MON2: variants seen among roughly 807,000 people sequenced by gnomAD.
MON2 encodes the protein protein MON2 homolog.
MON2 carries 84 observed loss-of-function variants against 208.6 expected under a neutral mutation model. That is an observed-to-expected ratio of 0.40 (90% CI 0.34 to 0.48). The LOEUF is 0.48. Ranked by LOEUF, MON2 falls within the 20% of genes least tolerant of loss-of-function variation. The pLI is 0.59. For synonymous variants in MON2, 660 were observed against 694.0 expected (o/e 0.95, Z 0.77); for missense variants, 1,611 against 2,015.4 (o/e 0.80, Z 3.84).
chr12:62,518,394 AG>A (rs758050238), intron 8 of MON2, among the ~76,000 whole-genome samples: 3 of 152,228 alleles, frequency 2.0e-5, no homozygotes, highest in African/African-American at 4.8e-5. Flanking sequence ...AATGAGGACC[AG>A]GATGCTTATA....
chr12:62,547,550 T>C (rs2073543104), intron 22 of MON2, among the ~76,000 whole-genome samples: 1 of 152,216 alleles, frequency 6.6e-6, no homozygotes. Context: ...AAACATTTAT[T>C]CTGTGCAGAG....
intron 1 of MON2, among the ~76,000 whole-genome samples, chr12:62,476,164 A>G (rs1337908618): frequency 6.6e-6 from 1 of 152,196 alleles, no homozygotes; most frequent in Non-Finnish European, 1.5e-5. Context: ...ATAGAATGTC[A>G]TATAGGTATA....
chr12:62,589,390 A>AC (rs2075321708), intron 34 of MON2, among the ~76,000 whole-genome samples: 1 of 152,238 alleles, frequency 6.6e-6, no homozygotes, highest in Non-Finnish European at 1.5e-5. Context: ...AATGAGTTGT[A>AC]GGATATTTGT....
At chr12:62,499,361 T>C (rs569949373) in intron 5 of MON2, among the ~76,000 whole-genome samples, 1 of 152,330 alleles carries the variant, frequency 6.6e-6, no homozygotes, top group Non-Finnish European at 1.5e-5. Flanking sequence ...TAATTTAAAT[T>C]TTAATGATTG....
chr12:62,471,982 G>A (rs1592793784), intron 1 of MON2, among the ~76,000 whole-genome samples: 1 of 152,330 alleles, frequency 6.6e-6, no homozygotes, highest in African/African-American at 2.4e-5. Flanking sequence ...AAACAAGCTT[G>A]TTAGTAGGAA....
chr12:62,580,496 A>T, intron 32 of MON2, 76 bp downstream of exon 32: 1 of 1,332,314 alleles, frequency 7.5e-7, no homozygotes, highest in Non-Finnish European at 1.0e-6. Context: ...GTTTAATCCT[A>T]TGATTTTGGT....
chr12:62,475,449 C>T (rs79467129), intron 1 of MON2, among the ~76,000 whole-genome samples: 3,416 of 150,576 alleles, frequency 0.023, 129 homozygotes, highest in African/African-American at 0.08. Flanking sequence ...AGTAATTTAG[C>T]CTGGGTGAAA....
intron 8 of MON2, among the ~76,000 whole-genome samples, chr12:62,510,991 A>G (rs1356733675): frequency 6.6e-5 from 10 of 152,234 alleles, no homozygotes; most frequent in Non-Finnish European, 4.4e-5. Context: ...AAAGAAATTA[A>G]GAAAACAATT....
At chr12:62,589,227 C>T (rs2075314628) in intron 34 of MON2, among the ~76,000 whole-genome samples, 1 of 151,940 alleles carries the variant, frequency 6.6e-6, no homozygotes, top group Non-Finnish European at 1.5e-5. Context: ...GTTCAGCTGA[C>T]TTTTTTTTAT....
chr12:62,581,900 C>A (rs1418479052), intron 32 of MON2, among the ~76,000 whole-genome samples: 2 of 152,186 alleles, frequency 1.3e-5, no homozygotes, highest in Admixed American at 1.3e-4. Context: ...TTACTAGAGC[C>A]TTAACTAGCT....
At chr12:62,538,648 G>A (rs567732614) in intron 19 of MON2, 143 bp downstream of exon 19, 1 of 609,374 alleles carries the variant, frequency 1.6e-6, no homozygotes, top group Non-Finnish European at 2.8e-6. Context: ...ACCACTTATC[G>A]TTATTTGTCG....
chr12:62,537,678 C>T lies in MON2; in HGVS notation c.2090C>T (p.Ser697Leu). 1.2e-6 allele frequency: 2 copies of T among 1,612,940 alleles called. No homozygotes were observed. The highest frequency in any genetic ancestry group is 1.7e-6 in the Non-Finnish European group (2 of 1,179,532). ...AHCHGAVLGT[S>L]WQLVLATLQH... ...TGCCATGGGGCTGTTCTTGGAACAT[C>T]ATGGCAACTTGTCTTGGCAACTCTT... is the stretch of plus-strand genomic sequence containing the variant. Residue 697 changes from serine (S) to leucine (L), a missense_variant, in exon 16 of 35, where the codon TCA becomes TTA. Ser to Leu is a moderately radical substitution (Grantham distance 145). Transcript: ENST00000393630.
At chr12:62,567,027 C>G (rs1387664792) in intron 29 of MON2, among the ~76,000 whole-genome samples, 1 of 152,196 alleles carries the variant, frequency 6.6e-6, no homozygotes, top group African/African-American at 2.4e-5. Flanking sequence ...ACTGAACATG[C>G]ATGCTGACTT....
intron 32 of MON2, among the ~76,000 whole-genome samples, chr12:62,584,499 C>T (rs1017548664): frequency 7.2e-5 from 11 of 152,034 alleles, no homozygotes; most frequent in African/African-American, 2.7e-4. Context: ...GTCAGGAAAT[C>T]GAGACCATCC....
At chr12:62,479,772 CT>C (rs2069301910) in intron 1 of MON2, among the ~76,000 whole-genome samples, 1 of 151,898 alleles carries the variant, frequency 6.6e-6, no homozygotes, top group Non-Finnish European at 1.5e-5. Flanking sequence ...CTTTTTTCAT[CT>C]TCTTTTCTTC....
intron 1 of MON2, among the ~76,000 whole-genome samples, chr12:62,481,045 C>G (rs2069396510): frequency 6.6e-6 from 1 of 152,114 alleles, no homozygotes; most frequent in South Asian, 2.1e-4. Context: ...TTTCAGTGTT[C>G]TATAATTTTT....
chr12:62,532,618 G>C lies in MON2; in HGVS notation c.1581G>C (p.Ser527=). 6.2e-7 allele frequency: 1 copy of C among 1,613,700 alleles called. No homozygotes were observed. The highest frequency in any genetic ancestry group is 8.5e-7 in the Non-Finnish European group (1 of 1,179,834). Residue 527 remains serine, a synonymous_variant, in exon 12 of 35, where the codon TCG becomes TCC. Transcript: ENST00000393630. ...TTEEGSSPTQ[S]TEQQDLQSTS... ...AAGAAGGTTCTTCACCAACACAGTC[G>C]ACAGAACAGCAGGATTTACAGTCAA...
chr12:62,588,242 A>G lies in MON2; in HGVS notation c.4990+86A>G, dbSNP rs192321993. 341 of 899,504 alleles carry G rather than the reference A, an allele frequency of 3.8e-4. 1 individual carries two copies. In the East Asian group the frequency reaches 5.6e-3, roughly 15 times the overall value. The allele number at this position is 899,504 out of a possible 1,614,324, so 55.7% of individuals were successfully genotyped here. The stretch of plus-strand genomic sequence containing the variant: ...TTTTGTCTGTTAATTTAACTGAATT[A>G]TAGGAACATAGCAGTCATTAGACTT... On this transcript the variant is annotated intron_variant, in intron 34 of 34. Transcript: ENST00000393630.
At chr12:62,540,470 G>A (rs1424241407) in intron 19 of MON2, among the ~76,000 whole-genome samples, 3 of 152,116 alleles carry the variant, frequency 2.0e-5, no homozygotes, top group African/African-American at 4.8e-5. Context: ...TAGGATTTAG[G>A]TAGGAAAGGG....
Sources: allele counts gnomAD v4.1 joint callset (sites outside exome capture counted in the v4.1 genomes callset), GRCh38; gene constraint gnomAD v4.1.1; transcripts MANE v1.5; gene names NCBI Gene and HGNC (gene_info 2026-07-23, HGNC 2026-07-21).